The following SMARCA4 variants were observed in gnomAD, a reference collection of about 807,000 sequenced individuals.
The protein encoded by SMARCA4 is SWI/SNF related BAF chromatin remodeling complex subunit ATPase 4, also known as SWI/SNF-related matrix-associated actin-dependent regulator of chromatin subfamily A member 4.
In SMARCA4, 31 loss-of-function variants were observed where a neutral mutation model predicts 193.9. The observed-to-expected ratio is 0.16, with a 90% CI of 0.12 to 0.22. The LOEUF (loss-of-function observed/expected upper bound fraction) is 0.22, where lower values mean the gene tolerates loss of function less well. Ranked by LOEUF, SMARCA4 falls within the 10% of genes least tolerant of loss-of-function variation. SMARCA4 has a pLI of 1.00. For synonymous variants in SMARCA4, 942 were observed against 933.1 expected (o/e 1.01, Z -0.17); for missense variants, 1,148 against 2,296.0 (o/e 0.50, Z 10.22).
At chr19:11,004,216 C>G (rs2087948289) in intron 13 of SMARCA4, among the ~76,000 whole-genome samples, 1 of 151,094 alleles carries the variant, frequency 6.6e-6, no homozygotes, top group Non-Finnish European at 1.5e-5. Flanking sequence ...AGGGTTACAC[C>G]ATGTTGGCCA....
At chr19:11,018,061 T>C (rs571706259) in intron 16 of SMARCA4, among the ~76,000 whole-genome samples, 100 of 152,230 alleles carry the variant, frequency 6.6e-4, no homozygotes, top group Admixed American at 2.6e-3. Flanking sequence ...TGCCGCCTGG[T>C]TGGCTGTGGC....
chr19:11,041,634 T>C lies in SMARCA4; in HGVS notation c.4424+74T>C. On this transcript the variant is annotated intron_variant, in intron 30 of 34. Coordinates refer to ENST00000344626, the MANE Select transcript of SMARCA4 (RefSeq NM_003072.5). This position sits in a 1 kb window ranked among gnomAD's most constrained non-coding sequence, Gnocchi z 5.6. Reference sequence around the variant, plus strand: ...GCAGGCCTGGCATCTGCACTCTGACTCTGCACACTCAGGCTTGGGCCGCTC... The same window carrying C: ...GCAGGCCTGGCATCTGCACTCTGACCCTGCACACTCAGGCTTGGGCCGCTC... 1 of 1,350,254 alleles carries C rather than the reference T, an allele frequency of 7.4e-7. No homozygotes were observed. The highest frequency in any genetic ancestry group is 1.4e-5 in the African/African-American group (1 of 69,810). 83.6% of individuals were successfully genotyped at this position (1,350,254 alleles called of 1,614,324 possible). A position where few individuals can be genotyped will look rare whatever the true frequency, so the allele number is the denominator to read the frequency against.
rs529586298 is a variant in SMARCA4 at position 11,024,411 on chromosome 19, G to C, written c.3054G>C (p.Leu1018=). The change falls in exon 21 of 35, where the codon CTG becomes CTC. Residue 1018 remains leucine, a synonymous_variant. Coordinates refer to ENST00000344626, the MANE Select transcript of SMARCA4 (RefSeq NM_003072.5). ...YRHMQAKGVL[L]TDGSEKDKKG... ...ACATGCAGGCCAAGGGCGTGCTGCT[G>C]ACTGATGGCTCCGAGAAGGACAAGA... 6.2e-7 allele frequency: 1 copy of C among 1,612,800 alleles called. No individual in the cohort carries two copies. Among genetic ancestry groups the C allele is most frequent in the South Asian group, 1.1e-5 (1 of 91,074 alleles).
rs746219091 is a variant in SMARCA4, at chr19:11,033,822, C to T, written c.3830C>T (p.Pro1277Leu). 59 of 779,648 alleles carry T rather than the reference C, an allele frequency of 7.6e-5. No individual in the cohort carries two copies. The highest frequency in any genetic ancestry group is 4.5e-4 in the Middle Eastern group (2 of 4,466). The allele number at this position is 779,648 out of a possible 1,614,324, so 48.3% of individuals were successfully genotyped here. Residue 1277 changes from proline to leucine, a missense_variant, in exon 27 of 35, where the codon CCG becomes CTG. Pro to Leu is a moderately conservative substitution (Grantham distance 98, BLOSUM62 -3). This residue lies in a region of SMARCA4 where 84 missense variants were observed against 202.2 expected (regional missense o/e 0.42). Transcript: ENST00000344626. This position sits in a 1 kb window ranked among gnomAD's most constrained non-coding sequence, Gnocchi z 9.8. The part of the protein sequence containing the change: ...GSASFAHTAP[P>L]PAGVNPDLEE... Reference sequence around the variant, plus strand: ...GCCAGCTTCGCCCACACTGCCCCTCCGCCAGCGGGCGTCAACCCCGACTTG... The same window carrying T: ...GCCAGCTTCGCCCACACTGCCCCTCTGCCAGCGGGCGTCAACCCCGACTTG...
At chr19:10,999,259 G>A (rs1449270969) in intron 11 of SMARCA4, among the ~76,000 whole-genome samples, 1 of 152,160 alleles carries the variant, frequency 6.6e-6, no homozygotes, top group Non-Finnish European at 1.5e-5. Flanking sequence ...GACTTTGGGG[G>A]TGCTTCCTGC....
rs1376159890 is a variant in SMARCA4, at chr19:11,061,200, AAAAAAT to A, written c.4912-582_4912-577del. Among the ~76,000 whole-genome samples the A allele has an allele frequency of 9.9e-3, 693 of 70,318 alleles. 1 individual carries two copies. The highest frequency in any genetic ancestry group is 0.022 in the East Asian group (64 of 2,872). 46.1% of individuals were successfully genotyped at this position (70,318 alleles called of 152,430 possible). On this transcript the variant is annotated intron_variant, in intron 34 of 34. Transcript: ENST00000344626. Reference sequence around the variant, plus strand: ...AAGACCCTGTCTTTAAAAAAAAAAAAAAAAATATATATATATATATATATATATATA... The same window carrying A: ...AAGACCCTGTCTTTAAAAAAAAAAAAATATATATATATATATATATATATA...
intron 11 of SMARCA4, among the ~76,000 whole-genome samples, chr19:11,001,115 T>C (rs2087593660): frequency 6.6e-6 from 1 of 152,132 alleles, no homozygotes; most frequent in Non-Finnish European, 1.5e-5. Context: ...AGTCCAGTGA[T>C]GAGGTCATGG....
chr19:11,062,194 G>A lies in SMARCA4; in HGVS notation c.*378G>A, dbSNP rs568146135. The A allele has an allele frequency of 2.7e-5, 9 of 338,474 alleles. No individual in the cohort carries two copies. Among genetic ancestry groups the A allele is most frequent in the Non-Finnish European group, 5.0e-5 (9 of 181,316 alleles). 21.0% of individuals were successfully genotyped at this position (338,474 alleles called of 1,614,324 possible). A position where few individuals can be genotyped will look rare whatever the true frequency, so the allele number is the denominator to read the frequency against. On this transcript the variant is annotated 3_prime_UTR_variant, in exon 35 of 35. Coordinates refer to ENST00000344626, the MANE Select transcript of SMARCA4 (RefSeq NM_003072.5). ...CCTCCTACTGTATTTTATTGGACAG[G>A]TCAGACTCGCCGGGGGCCCGGCGAG...
intron 29 of SMARCA4, among the ~76,000 whole-genome samples, chr19:11,036,578 C>G (rs547898918): frequency 6.1e-4 from 93 of 152,278 alleles, no homozygotes; most frequent in Non-Finnish European, 1.1e-3. Context: ...ATATTTGAGG[C>G]AGTGAGTACC....
At chr19:11,001,345 T>C (rs563264284) in intron 11 of SMARCA4, among the ~76,000 whole-genome samples, 1 of 152,256 alleles carries the variant, frequency 6.6e-6, no homozygotes, top group South Asian at 2.1e-4. Flanking sequence ...GGTGTGCACT[T>C]GCGGTCCCAG....
rs1060504451 is a variant in SMARCA4 at position 11,024,387 on chromosome 19, C to T, written c.3030C>T (p.His1010=). Residue 1010 remains histidine (H), a synonymous_variant, in exon 21 of 35, where the codon CAC becomes CAT. Coordinates refer to ENST00000344626, the MANE Select transcript of SMARCA4 (RefSeq NM_003072.5). ...CGCTGCAGCGAGTGCTCTACCGCCA[C>T]ATGCAGGCCAAGGGCGTGCTGCTGA... The part of the protein sequence containing the change: ...MSALQRVLYR[H]MQAKGVLLTD... 6.2e-7 allele frequency: 1 copy of T among 1,613,292 alleles called. No individual in the cohort carries two copies. The highest frequency in any genetic ancestry group is 8.5e-7 in the Non-Finnish European group (1 of 1,179,922).
rs559913147 is a variant in SMARCA4 at position 11,058,524 on chromosome 19, G to T, written c.4533+161G>T. The stretch of plus-strand genomic sequence containing the variant: ...AGGGACCTGGTCGTGGGCTTTTGGG[G>T]TTCCTTGTAAGGGTTGGGGGTGTCC... On this transcript the variant is annotated intron_variant, in intron 31 of 34. Coordinates refer to ENST00000344626, the MANE Select transcript of SMARCA4 (RefSeq NM_003072.5). This position sits in a 1 kb window ranked among gnomAD's most constrained non-coding sequence, Gnocchi z 5.8. Among the ~76,000 whole-genome samples, 2 of 152,182 alleles carry T rather than the reference G, an allele frequency of 1.3e-5. No homozygotes were observed. Among genetic ancestry groups the T allele is most frequent in the African/African-American group, 4.8e-5 (2 of 41,452 alleles).
At position 11,034,168 on chromosome 19, in the gene SMARCA4, G is replaced by T. The variant is rs1568512220; in HGVS notation, c.3919G>T (p.Ala1307Ser). 6.2e-7 allele frequency: 1 copy of T among 1,613,816 alleles called. No individual in the cohort carries two copies. The highest frequency in any genetic ancestry group is 8.5e-7 in the Non-Finnish European group (1 of 1,179,946). Residue 1307 changes from alanine (A) to serine (S), a missense_variant, in exon 28 of 35, where the codon GCC becomes TCC. Transcript: ENST00000344626. The surrounding 1 kb of genome is among the most constrained non-coding windows in gnomAD (Gnocchi z 7.0). ...PDDETVNQMIARHEEEFDLFM... is the reference protein window; with the variant it reads ...PDDETVNQMISRHEEEFDLFM... ...CGACGAGACCGTCAACCAGATGATC[G>T]CCCGGCACGAGGAGGAGTTTGATCT...
chr19:10,963,858 G>A (rs972134451), intron 1 of SMARCA4, among the ~76,000 whole-genome samples: 4 of 151,932 alleles, frequency 2.6e-5, no homozygotes, highest in Non-Finnish European at 5.9e-5. Flanking sequence ...AGAGGCTGGG[G>A]CAGGAGGTAC....
chr19:11,014,902 T>G (rs2089211718), intron 16 of SMARCA4, among the ~76,000 whole-genome samples: 1 of 152,124 alleles, frequency 6.6e-6, no homozygotes, highest in Non-Finnish European at 1.5e-5. Flanking sequence ...AACCTCTGCC[T>G]CCTGGGTTCA....
Position 11,017,432 on chromosome 19 carries a change from C to T in SMARCA4, c.2439-1525C>T, listed in dbSNP as rs79853353. On this transcript the variant is annotated intron_variant, in intron 16 of 34. Transcript: ENST00000344626. Reference sequence around the variant, plus strand: ...TCCCACTGCGCCCCACCTGGGCAAGCGTCCATGCTGTGGAACGCCAGCTCC... The same window carrying T: ...TCCCACTGCGCCCCACCTGGGCAAGTGTCCATGCTGTGGAACGCCAGCTCC... Among the ~76,000 whole-genome samples the T allele has an allele frequency of 1.1e-3, 171 of 152,366 alleles. 1 individual carries two copies. The highest frequency in any genetic ancestry group is 1.7e-3 in the Non-Finnish European group (117 of 68,036).
intron 33 of SMARCA4, 32 bp from the exon 34 acceptor site, chr19:11,060,013 C>T (rs749437185): frequency 2.5e-6 from 4 of 1,597,768 alleles, no homozygotes; most frequent in Middle Eastern, 1.7e-4. Flanking sequence ...TCCCAGAGCT[C>T]AAGGCTGTCT....
intron 8 of SMARCA4, among the ~76,000 whole-genome samples, chr19:10,991,936 A>T (rs2086595120): frequency 6.6e-6 from 1 of 152,194 alleles, no homozygotes; most frequent in Non-Finnish European, 1.5e-5. Context: ...GATCTGACTC[A>T]GGGTTTCCCA....
intron 1 of SMARCA4, among the ~76,000 whole-genome samples, chr19:10,965,970 G>GTTT (rs372236923): frequency 1.9e-4 from 15 of 78,980 alleles, no homozygotes; most frequent in East Asian, 5.3e-4. Flanking sequence ...TAGTGGCATG[G>GTTT]TTTTTTTTTT....
Sources: allele counts gnomAD v4.1 joint callset (sites outside exome capture counted in the v4.1 genomes callset), GRCh38; gene constraint gnomAD v4.1.1; regional missense constraint gnomAD v4.1.1; non-coding constraint Gnocchi (gnomAD v3.1); transcripts MANE v1.5; gene names NCBI Gene and HGNC (gene_info 2026-07-23, HGNC 2026-07-21).